KANSL2: variants seen among roughly 807,000 people sequenced by gnomAD.
KANSL2 encodes KAT8 regulatory NSL complex subunit 2, also known as NSL complex protein NSL2.
Under a neutral mutation model 55.6 loss-of-function variants are expected in KANSL2, and 34 were observed. The ratio of observed to expected loss-of-function variants is 0.61; its 90% confidence interval spans 0.46 to 0.81. KANSL2 has a LOEUF of 0.81. Ranked by LOEUF, KANSL2 falls within the 40% of genes least tolerant of loss-of-function variation. KANSL2 has a pLI of 0.00. For synonymous variants in KANSL2, 209 were observed against 214.3 expected (o/e 0.98, Z 0.22); for missense variants, 502 against 609.9 (o/e 0.82, Z 1.86).
intron 5 of KANSL2, among the ~76,000 whole-genome samples, chr12:48,669,474 T>C (rs1181915436): frequency 1.3e-5 from 2 of 152,062 alleles, no homozygotes; most frequent in Non-Finnish European, 2.9e-5. Flanking sequence ...TCATTGACCA[T>C]ACATACTATG....
chr12:48,662,715 A>G, intron 7 of KANSL2: 1 of 1,170,418 alleles, frequency 8.5e-7, no homozygotes, highest in Non-Finnish European at 1.1e-6. Context: ...GAAAGGAAAG[A>G]GCATAAAAGG....
chr12:48,663,948 C>T (rs1219570421), intron 7 of KANSL2, among the ~76,000 whole-genome samples: 12 of 130,532 alleles, frequency 9.2e-5, no homozygotes, highest in East Asian at 2.8e-4. Context: ...GACAGAGTCT[C>T]ACTCTGTCGC....
chr12:48,671,266 G>A (rs56182935), intron 5 of KANSL2, among the ~76,000 whole-genome samples: 5,157 of 73,586 alleles, frequency 0.07, 140 homozygotes, highest in African/African-American at 0.14. Flanking sequence ...CTCCATGTCC[G>A]TCTCAATTAA....
intron 7 of KANSL2, among the ~76,000 whole-genome samples, chr12:48,664,016 G>T (rs1939541121): frequency 6.8e-6 from 1 of 146,108 alleles, no homozygotes; most frequent in African/African-American, 2.5e-5. Context: ...CCGGGTTCAA[G>T]CGATTCTCCT....
At chr12:48,654,323 A>T in intron 9 of KANSL2, 148 bp from the exon 10 acceptor site, 1 of 909,184 alleles carries the variant, frequency 1.1e-6, no homozygotes, top group South Asian at 1.3e-5. Flanking sequence ...CATATTAGCT[A>T]TCCTAGTCCC....
intron 7 of KANSL2, among the ~76,000 whole-genome samples, chr12:48,664,462 T>C (rs1239540353): frequency 6.6e-6 from 1 of 151,670 alleles, no homozygotes; most frequent in African/African-American, 2.4e-5. Context: ...GTATTTTTAG[T>C]AGAGATGGGG....
chr12:48,677,800 A>G (rs1021271307), intron 4 of KANSL2, among the ~76,000 whole-genome samples: 3 of 151,340 alleles, frequency 2.0e-5, no homozygotes, highest in African/African-American at 7.3e-5. Flanking sequence ...AAAAAAAAAA[A>G]AAAAAAAAAA....
intron 7 of KANSL2, among the ~76,000 whole-genome samples, chr12:48,664,247 C>G (rs1939545924): frequency 6.7e-6 from 1 of 149,802 alleles, no homozygotes; most frequent in African/African-American, 2.5e-5. Context: ...TTTAAATCTG[C>G]CCATAGCCTC....
chr12:48,672,542 C>T (rs1939745643), intron 4 of KANSL2, among the ~76,000 whole-genome samples: 1 of 150,178 alleles, frequency 6.7e-6, no homozygotes, highest in East Asian at 2.0e-4. Context: ...GCGATCCTCC[C>T]ACGTCAGCCT....
At chr12:48,662,740 C>T (rs1435675711) in intron 7 of KANSL2, 3 of 877,338 alleles carry the variant, frequency 3.4e-6, no homozygotes, top group East Asian at 7.6e-5. Context: ...AAAATACTTC[C>T]CTTCTCTTTT....
chr12:48,679,155 G>C lies in KANSL2; in HGVS notation c.431-5C>G. On this transcript the variant is annotated splice_region_variant and splice_polypyrimidine_tract_variant and intron_variant, in intron 3 of 9. Transcript: ENST00000420613. ...CATCACTCCAGCTGTCTTCATCTGAGGCAAGGAAGGGAGAGCAGCCATTAA... is the reference window on the plus strand; with the variant it reads ...CATCACTCCAGCTGTCTTCATCTGACGCAAGGAAGGGAGAGCAGCCATTAA... 6.2e-7 allele frequency: 1 copy of C among 1,600,364 alleles called. No homozygotes were observed.
At chr12:48,672,447 A>G (rs963161691) in intron 4 of KANSL2, among the ~76,000 whole-genome samples, 1 of 128,598 alleles carries the variant, frequency 7.8e-6, no homozygotes, top group Admixed American at 7.9e-5. Flanking sequence ...TTTTTTTGAG[A>G]TAAGGTCTCA....
At chr12:48,659,598 G>A (rs1381701486) in intron 8 of KANSL2, among the ~76,000 whole-genome samples, 1 of 151,916 alleles carries the variant, frequency 6.6e-6, no homozygotes, top group East Asian at 1.9e-4. Flanking sequence ...ACTCCAGCCT[G>A]AGCAACAGAG....
In KANSL2 at chr12:48,678,002, A is replaced by G. The variant is rs148716501; in HGVS notation, c.545+1034T>C. Reference sequence around the variant, plus strand: ...CGTAACCCTAACATACGGCCATACTATCCGGAACATGCCCAACCTCCTCTG... The same window carrying G: ...CGTAACCCTAACATACGGCCATACTGTCCGGAACATGCCCAACCTCCTCTG... On this transcript the variant is annotated intron_variant, in intron 4 of 9. Coordinates refer to ENST00000420613, the MANE Select transcript of KANSL2 (RefSeq NM_017822.4). 4.6e-5 allele frequency among the ~76,000 whole-genome samples: 7 copies of G among 152,266 alleles called. No individual in the cohort carries two copies. In the East Asian group the frequency reaches 1.4e-3, roughly 29 times the overall value.
chr12:48,681,556 A>G lies in KANSL2; in HGVS notation c.77T>C (p.Leu26Pro). The G allele has an allele frequency of 6.2e-7, 1 of 1,613,934 alleles. No homozygotes were observed. The highest frequency in any genetic ancestry group is 1.3e-5 in the African/African-American group (1 of 75,040). ...ITPVPRSQEP[L>P]SCAFTHRPCS... Reference sequence around the variant, plus strand: ...TGGACGATGAGTGAATGCACAAGACAGAGGTTCCTGAGACCTGGGCACTGG... The same window carrying G: ...TGGACGATGAGTGAATGCACAAGACGGAGGTTCCTGAGACCTGGGCACTGG... Residue 26 changes from leucine to proline, a missense_variant, in exon 2 of 10, where the codon CTG becomes CCG. Coordinates refer to ENST00000420613, the MANE Select transcript of KANSL2 (RefSeq NM_017822.4).
intron 5 of KANSL2, among the ~76,000 whole-genome samples, chr12:48,670,478 C>A (rs1199898799): frequency 6.6e-6 from 1 of 152,186 alleles, no homozygotes; most frequent in African/African-American, 2.4e-5. Flanking sequence ...GACAGTGACA[C>A]TAGGCCCATG....
chr12:48,682,152 G>A (rs556945133), intron 1 of KANSL2, 35 bp downstream of exon 1: 5 of 702,018 alleles, frequency 7.1e-6, no homozygotes, highest in South Asian at 1.5e-5. Context: ...CAGCCCAACC[G>A]CAAGAGCTTA....
intron 7 of KANSL2, among the ~76,000 whole-genome samples, chr12:48,660,998 C>T (rs1213301783): frequency 6.6e-6 from 1 of 152,146 alleles, no homozygotes; most frequent in Non-Finnish European, 1.5e-5. Context: ...CCCTAAACAG[C>T]CCTTCCAAAA....
rs763675795 is a variant in KANSL2, at chr12:48,679,611, T to G, written c.430+44A>C. ...GTGCTAACCCAAAATAGTTCCCCCT[T>G]AACTTTCTTCCTCCTTTTTCATTCC... On this transcript the variant is annotated intron_variant, in intron 3 of 9. Coordinates refer to ENST00000420613, the MANE Select transcript of KANSL2 (RefSeq NM_017822.4). 6 of 1,560,934 alleles carry G rather than the reference T, an allele frequency of 3.8e-6. No homozygotes were observed. The African/African-American group carries it at 4.1e-5, about 11-fold the overall frequency.
Sources: allele counts gnomAD v4.1 joint callset (sites outside exome capture counted in the v4.1 genomes callset), GRCh38; gene constraint gnomAD v4.1.1; transcripts MANE v1.5; gene names NCBI Gene and HGNC (gene_info 2026-07-23, HGNC 2026-07-21).